NPHP4: variants seen among roughly 807,000 people sequenced by gnomAD.
NPHP4 encodes the protein nephrocystin 4, also known as nephrocystin-4.
NPHP4 carries 151 observed loss-of-function variants against 155.8 expected under a neutral mutation model. The observed-to-expected ratio is 0.97, with a 90% CI of 0.85 to 1.11. The LOEUF (loss-of-function observed/expected upper bound fraction) is 1.11. Among genes scored for constraint, NPHP4 ranks in the 50% least tolerant of loss-of-function variants. NPHP4 has a pLI of 0.00. For missense variants in NPHP4, 1,956 were observed against 1,925.7 expected (o/e 1.02, Z -0.29); for synonymous variants, 845 against 816.8 (o/e 1.03, Z -0.59).
chr1:5,899,025 G>A (rs1039132034), intron 16 of NPHP4, among the ~76,000 whole-genome samples: 7 of 152,168 alleles, frequency 4.6e-5, no homozygotes, highest in South Asian at 4.1e-4. Flanking sequence ...GAAAACCAGC[G>A]ATCACCACGT....
At chr1:5,863,453 C>A in intron 29 of NPHP4, 48 bp from the exon 30 acceptor site, 3 of 1,598,558 alleles carry the variant, frequency 1.9e-6, no homozygotes, top group South Asian at 1.1e-5. Flanking sequence ...GGCTGTCCCA[C>A]GCTCTCACCA....
rs1246901690 is a variant in NPHP4 at position 5,864,320 on chromosome 1, C to A, written c.3996+18G>T. The A allele has an allele frequency of 5.7e-6, 9 of 1,581,300 alleles. No individual in the cohort carries two copies. The highest frequency in any genetic ancestry group is 7.8e-6 in the Non-Finnish European group (9 of 1,160,500). On this transcript the variant is annotated intron_variant, in intron 28 of 29. Coordinates refer to ENST00000378156, the MANE Select transcript of NPHP4 (RefSeq NM_015102.5). ...TGAGCCCCCATCCCCTCAGCCTGTGCCTGCCACACATACAGACCTTGGAGA... is the reference window on the plus strand; with the variant it reads ...TGAGCCCCCATCCCCTCAGCCTGTGACTGCCACACATACAGACCTTGGAGA...
chr1:5,903,612 A>C (rs760572937), intron 16 of NPHP4, among the ~76,000 whole-genome samples: 1 of 152,246 alleles, frequency 6.6e-6, no homozygotes, highest in Non-Finnish European at 1.5e-5. Flanking sequence ...CGAAGAAAAA[A>C]AAAGTCATTA....
intron 5 of NPHP4, among the ~76,000 whole-genome samples, chr1:5,966,013 C>A (rs898638483): frequency 6.6e-6 from 1 of 152,180 alleles, no homozygotes; most frequent in Non-Finnish European, 1.5e-5. Context: ...GCTCAGCCCC[C>A]ACTCAGCAGA....
chr1:5,947,982 A>T, intron 8 of NPHP4, 88 bp downstream of exon 8: 1 of 1,001,368 alleles, frequency 1.0e-6, no homozygotes, highest in Non-Finnish European at 1.6e-6. Context: ...CACGTGGGTG[A>T]GTCAACACCT....
At chr1:5,943,237 T>A (rs1446078943) in intron 9 of NPHP4, among the ~76,000 whole-genome samples, 3 of 152,172 alleles carry the variant, frequency 2.0e-5, no homozygotes, top group South Asian at 4.1e-4. Context: ...TGCAAAAAAA[T>A]TAACAGCAGA....
rs1167890381 is a variant in NPHP4, at chr1:5,910,270, T to C, written c.1442-1057A>G. Among the ~76,000 whole-genome samples, 1 of 152,126 alleles carries C rather than the reference T, an allele frequency of 6.6e-6. No individual in the cohort carries two copies. Among genetic ancestry groups the C allele is most frequent in the African/African-American group, 2.4e-5 (1 of 41,444 alleles). On this transcript the variant is annotated intron_variant, in intron 11 of 29. Coordinates refer to ENST00000378156, the MANE Select transcript of NPHP4 (RefSeq NM_015102.5). This position sits in a 1 kb window ranked among gnomAD's most constrained non-coding sequence, Gnocchi z 5.4. ...GGCCCACAGCCCAGTCTCCAGCCCA[T>C]GTCCTGTCCCCACCTGGCTCATGAC...
intron 9 of NPHP4, among the ~76,000 whole-genome samples, chr1:5,945,893 T>G (rs1275064033): frequency 6.8e-6 from 1 of 148,012 alleles, no homozygotes; most frequent in African/African-American, 2.5e-5. Flanking sequence ...TGTGATTAGA[T>G]CTGGCATTGT....
chr1:5,907,203 G>A lies in NPHP4; in HGVS notation c.1523C>T (p.Ala508Val), dbSNP rs766910538. 17 of 1,579,844 alleles carry A rather than the reference G, an allele frequency of 1.1e-5. No individual in the cohort carries two copies. Among genetic ancestry groups the A allele is most frequent in the Middle Eastern group, 1.7e-4 (1 of 6,004 alleles). Residue 508 changes from alanine (A) to valine (V), a missense_variant, in exon 13 of 30, where the codon GCG (alanine) becomes GTG (valine). By Grantham distance (64) the Ala-to-Val change is moderately conservative (BLOSUM62 0). Coordinates refer to ENST00000378156, the MANE Select transcript of NPHP4 (RefSeq NM_015102.5). ...VGPGLSISQLAASPRSPTQHC... is the reference protein window; with the variant it reads ...VGPGLSISQLVASPRSPTQHC... ...CTGAGTCGGGGACCGCGGGGAGGCC[G>A]CCAGCTGGGAAATTGACAACTGGAA...
In NPHP4 at chr1:5,978,318, G is replaced by A; in HGVS notation, c.231C>T (p.Thr77=). The part of the protein sequence containing the change: ...YRHFFGRTWK[T]TVKPTKRPPS... The stretch of plus-strand genomic sequence containing the variant: ...GCGGTCTCTTCGTCGGCTTCACTGT[G>A]GTTTTCCACGTCCTCCCAAAGAAGT... The change falls in exon 3 of 30, where the codon ACC becomes ACT. Residue 77 remains threonine (T), a synonymous_variant. Coordinates refer to ENST00000378156, the MANE Select transcript of NPHP4 (RefSeq NM_015102.5). The A allele has an allele frequency of 1.2e-6, 2 of 1,609,518 alleles. No individual in the cohort carries two copies. The highest frequency in any genetic ancestry group is 1.7e-6 in the Non-Finnish European group (2 of 1,178,180).
intron 2 of NPHP4, among the ~76,000 whole-genome samples, chr1:5,980,336 C>G (rs79335185): frequency 0.073 from 11,181 of 152,250 alleles, 500 homozygotes; most frequent in Middle Eastern, 0.12. Flanking sequence ...GGAAACCAGT[C>G]CCAGGTACAT....
chr1:5,966,271 G>T (rs886236962), intron 5 of NPHP4, among the ~76,000 whole-genome samples: 6 of 152,052 alleles, frequency 3.9e-5, no homozygotes, highest in African/African-American at 1.4e-4. Flanking sequence ...TTTGAGACAG[G>T]GTCTCACTGT....
At chr1:5,900,886 A>G (rs1262668113) in intron 16 of NPHP4, among the ~76,000 whole-genome samples, 1 of 152,026 alleles carries the variant, frequency 6.6e-6, no homozygotes, top group Non-Finnish European at 1.5e-5. Flanking sequence ...CAAAAAAAAT[A>G]TTAGTTGGGC....
In NPHP4 at chr1:5,863,401, C is replaced by G; in HGVS notation, c.4145G>C (p.Gly1382Ala). The stretch of plus-strand genomic sequence containing the variant: ...GCCGATGGTGTAGGTCTCTCCACCC[C>G]CGACCTGGAAATAAGCATCCAAATC... Reference protein sequence around the residue: ...LRFREDSFQVGGGETYTIGLQ... With the variant: ...LRFREDSFQVAGGETYTIGLQ... Residue 1382 changes from glycine (G) to alanine (A), a missense_variant, in exon 30 of 30, where the codon GGG (glycine) becomes GCG (alanine). By Grantham distance (60) the Gly-to-Ala change is moderately conservative. Coordinates refer to ENST00000378156, the MANE Select transcript of NPHP4 (RefSeq NM_015102.5). The G allele has an allele frequency of 6.2e-7, 1 of 1,605,654 alleles. No homozygotes were observed. Among genetic ancestry groups the G allele is most frequent in the Non-Finnish European group, 8.5e-7 (1 of 1,174,944 alleles).
At chr1:5,955,896 C>G (rs1247416267) in intron 6 of NPHP4, among the ~76,000 whole-genome samples, 1 of 152,194 alleles carries the variant, frequency 6.6e-6, no homozygotes, top group East Asian at 1.9e-4. Flanking sequence ...TCTGAATGTC[C>G]TGACCACACA....
At chr1:5,927,871 T>G in intron 10 of NPHP4, 84 bp from the exon 11 acceptor site, 4 of 1,430,816 alleles carry the variant, frequency 2.8e-6, no homozygotes, top group Non-Finnish European at 3.8e-6. Flanking sequence ...CAGCAGGCTC[T>G]GCCCTAAAAC....
intron 4 of NPHP4, among the ~76,000 whole-genome samples, chr1:5,968,274 C>G (rs12137358): frequency 0.17 from 26,166 of 151,996 alleles, 2,358 homozygotes; most frequent in African/African-American, 0.22. Context: ...AGCCCTTACT[C>G]CGGCCTAAAG....
chr1:5,903,847 G>C (rs572441024), intron 16 of NPHP4, among the ~76,000 whole-genome samples: 2 of 152,202 alleles, frequency 1.3e-5, no homozygotes, highest in East Asian at 3.8e-4. Context: ...ACAGCGGTGG[G>C]CACAATGGCT....
At chr1:5,901,719 T>C (rs1264558184) in intron 16 of NPHP4, among the ~76,000 whole-genome samples, 1 of 151,864 alleles carries the variant, frequency 6.6e-6, no homozygotes, top group Non-Finnish European at 1.5e-5. Flanking sequence ...CTGTGCTGGA[T>C]AAAATGACTG....
Sources: gnomAD v4.1 joint callset for allele counts (sites outside exome capture counted in the v4.1 genomes callset) on GRCh38, gnomAD v4.1.1 for gene constraint, Gnocchi (gnomAD v3.1) non-coding constraint, MANE v1.5 for transcripts, NCBI Gene and HGNC (gene_info 2026-07-23, HGNC 2026-07-21) for gene names.